The following LPP variants were observed in gnomAD, a reference collection of about 807,000 sequenced individuals.
LPP encodes the protein lipoma-preferred partner.
Under a neutral mutation model 60.4 loss-of-function variants are expected in LPP, and 38 were observed. The ratio of observed to expected loss-of-function variants is 0.63; its 90% CI spans 0.49 to 0.83. LPP has a LOEUF of 0.83. Among genes scored for constraint, LPP ranks in the 40% least tolerant of loss-of-function variants. The pLI, the probability that LPP is intolerant of heterozygous loss-of-function variation, is 0.00. For missense variants in LPP, 902 were observed against 783.6 expected (o/e 1.15, Z -1.80); for synonymous variants, 328 against 290.8 (o/e 1.13, Z -1.30).
chr3:188,199,990 C>A (rs1235303414), intron 1 of LPP, among the ~76,000 whole-genome samples: 1 of 152,140 alleles, frequency 6.6e-6, no homozygotes, highest in Non-Finnish European at 1.5e-5. Flanking sequence ...CCTTGAGCCA[C>A]CGCGCCTGGC....
At chr3:188,733,038 G>A (rs547262045) in intron 8 of LPP, among the ~76,000 whole-genome samples, 3 of 151,856 alleles carry the variant, frequency 2.0e-5, no homozygotes, top group Non-Finnish European at 2.9e-5. Context: ...TGTGCAGGTC[G>A]AACTCAGTGA....
intron 4 of LPP, among the ~76,000 whole-genome samples, chr3:188,414,496 ATATAAG>A (rs1336207846): frequency 5.9e-5 from 9 of 152,140 alleles, no homozygotes; most frequent in Non-Finnish European, 1.2e-4. Context: ...ATATGTGATA[ATATAAG>A]TATAATAATA....
intron 1 of LPP, among the ~76,000 whole-genome samples, chr3:188,187,120 G>A (rs932362324): frequency 1.3e-5 from 2 of 151,976 alleles, no homozygotes; most frequent in Admixed American, 1.3e-4. Context: ...CATCTCGAGG[G>A]TTTATAATGG....
intron 8 of LPP, among the ~76,000 whole-genome samples, chr3:188,755,492 T>A (rs1468213532): frequency 6.6e-6 from 1 of 152,042 alleles, no homozygotes; most frequent in Non-Finnish European, 1.5e-5. Flanking sequence ...AAATTCATAT[T>A]ACCAAAAGAG....
At chr3:188,810,772 GCA>G (rs1467471486) in intron 9 of LPP, among the ~76,000 whole-genome samples, 1 of 152,056 alleles carries the variant, frequency 6.6e-6, no homozygotes, top group Non-Finnish European at 1.5e-5. Context: ...TTTTAGATTT[GCA>G]CACTGTCTGG....
intron 4 of LPP, among the ~76,000 whole-genome samples, chr3:188,444,828 A>G (rs1210570326): frequency 6.6e-6 from 1 of 152,206 alleles, no homozygotes; most frequent in Non-Finnish European, 1.5e-5. Context: ...GGCAAAGGAT[A>G]TGAACAGGCA....
At chr3:188,452,668 G>A (rs1344339111) in intron 4 of LPP, among the ~76,000 whole-genome samples, 3 of 152,164 alleles carry the variant, frequency 2.0e-5, no homozygotes, top group Admixed American at 6.5e-5. Context: ...AAAGTCTTGA[G>A]AGAAGAATGA....
At chr3:188,401,048 A>G (rs1169485352) in intron 3 of LPP, among the ~76,000 whole-genome samples, 1 of 152,156 alleles carries the variant, frequency 6.6e-6, no homozygotes, top group Non-Finnish European at 1.5e-5. Context: ...ACAGGTATTC[A>G]TTTTGCAAAT....
intron 9 of LPP, among the ~76,000 whole-genome samples, chr3:188,824,296 T>C (rs374247055): frequency 6.6e-6 from 1 of 152,192 alleles, no homozygotes; most frequent in African/African-American, 2.4e-5. Flanking sequence ...TGAGTATTGA[T>C]GATGTAGCAC....
At chr3:188,765,886 T>TTTTTTG (rs1257405569) in intron 9 of LPP, among the ~76,000 whole-genome samples, 1 of 109,888 alleles carries the variant, frequency 9.1e-6, no homozygotes, top group Non-Finnish European at 1.9e-5. Flanking sequence ...TTTTTTTTTT[T>TTTTTTG]TGGAGACAGG....
At chr3:188,294,207 G>A (rs555981795) in intron 2 of LPP, among the ~76,000 whole-genome samples, 1 of 152,226 alleles carries the variant, frequency 6.6e-6, no homozygotes, top group African/African-American at 2.4e-5. Context: ...TAGAGGATAG[G>A]TAGTGATTGC....
At chr3:188,675,527 A>G (rs1857855122) in intron 7 of LPP, among the ~76,000 whole-genome samples, 1 of 152,216 alleles carries the variant, frequency 6.6e-6, no homozygotes, top group African/African-American at 2.4e-5. Flanking sequence ...ATGAAGGACA[A>G]CACATCAAGG....
At chr3:188,627,887 C>T (rs1847149623) in intron 7 of LPP, among the ~76,000 whole-genome samples, 1 of 152,008 alleles carries the variant, frequency 6.6e-6, no homozygotes, top group Non-Finnish European at 1.5e-5. Context: ...TCAAAGAATT[C>T]AAAATAACTG....
At chr3:188,355,668 C>A (rs565536112) in intron 3 of LPP, among the ~76,000 whole-genome samples, 21 of 152,218 alleles carry the variant, frequency 1.4e-4, no homozygotes, top group Non-Finnish European at 2.5e-4. Flanking sequence ...TTCCTTGTCA[C>A]AATATTTAAC....
At chr3:188,674,928 A>G (rs1394759541) in intron 7 of LPP, among the ~76,000 whole-genome samples, 3 of 152,242 alleles carry the variant, frequency 2.0e-5, no homozygotes, top group African/African-American at 7.2e-5. Context: ...TGCTTTAGCA[A>G]CTAGAAGTGT....
At chr3:188,786,961 G>C (rs765271888) in intron 9 of LPP, among the ~76,000 whole-genome samples, 38 of 152,218 alleles carry the variant, frequency 2.5e-4, no homozygotes, top group Non-Finnish European at 4.4e-4. Context: ...TGGGGGTTTG[G>C]GGTAGCTGTG....
chr3:188,184,748 A>C (rs1056995997), intron 1 of LPP, among the ~76,000 whole-genome samples: 5 of 150,852 alleles, frequency 3.3e-5, no homozygotes, highest in Admixed American at 6.6e-5. Flanking sequence ...GTAATTCAAT[A>C]AGCATTTGCA....
At chr3:188,611,785 G>GT (rs946141922) in intron 7 of LPP, among the ~76,000 whole-genome samples, 39 of 152,320 alleles carry the variant, frequency 2.6e-4, no homozygotes, top group African/African-American at 9.4e-4. Context: ...GTCTTCAGAT[G>GT]TTGTTTTCTC....
chr3:188,462,369 A>T (rs1293409527), intron 4 of LPP, among the ~76,000 whole-genome samples: 1 of 151,190 alleles, frequency 6.6e-6, no homozygotes, highest in Non-Finnish European at 1.5e-5. Context: ...CTTCAGTTTG[A>T]TATGCTACTG....
Sources: allele counts gnomAD v4.1 joint callset (sites outside exome capture counted in the v4.1 genomes callset), GRCh38; gene constraint gnomAD v4.1.1; transcripts MANE v1.5; gene names NCBI Gene and HGNC (gene_info 2026-07-23, HGNC 2026-07-21).